F13A1: variants seen among roughly 807,000 people sequenced by gnomAD.
F13A1 encodes the protein FSF, A subunit.
F13A1 carries 47 observed loss-of-function variants against 80.1 expected under a neutral mutation model. The observed-to-expected ratio is 0.59, with a 90% CI of 0.46 to 0.75. F13A1 has a LOEUF of 0.75. Ranked by LOEUF, F13A1 falls within the 30% of genes least tolerant of loss-of-function variation. The pLI is 0.00. For missense variants in F13A1, 817 were observed against 930.4 expected, an observed-to-expected ratio of 0.88 and a Z score of 1.59; for synonymous variants, 349 against 344.9, an observed-to-expected ratio of 1.01 and a Z score of -0.13.
intron 4 of F13A1, among the ~76,000 whole-genome samples, chr6:6,261,078 C>T (rs1757773670): frequency 6.6e-6 from 1 of 152,170 alleles, no homozygotes; most frequent in Non-Finnish European, 1.5e-5. Flanking sequence ...AAGCAGTTCT[C>T]CTGCCTCAGC....
At chr6:6,285,653 C>T (rs1424456568) in intron 3 of F13A1, among the ~76,000 whole-genome samples, 1 of 152,218 alleles carries the variant, frequency 6.6e-6, no homozygotes, top group African/African-American at 2.4e-5. Flanking sequence ...GGTACCTAGT[C>T]AGGCATGAGT....
intron 4 of F13A1, among the ~76,000 whole-genome samples, chr6:6,256,618 GA>G (rs776236563): frequency 1.1e-4 from 17 of 152,068 alleles, no homozygotes; most frequent in Admixed American, 2.6e-4. Flanking sequence ...AGTTAAAAAA[GA>G]AAAGAGTGGG....
intron 8 of F13A1, among the ~76,000 whole-genome samples, chr6:6,201,114 T>C (rs1761386018): frequency 1.3e-5 from 2 of 152,194 alleles, no homozygotes; most frequent in African/African-American, 2.4e-5. Flanking sequence ...CCTAGATTAA[T>C]AGGCTCCAGA....
intron 3 of F13A1, among the ~76,000 whole-genome samples, chr6:6,284,841 G>C (rs1758113452): frequency 6.6e-6 from 1 of 152,144 alleles, no homozygotes; most frequent in African/African-American, 2.4e-5. Flanking sequence ...GCCCTTTTCT[G>C]AGATTTTACC....
intron 3 of F13A1, among the ~76,000 whole-genome samples, chr6:6,303,470 C>G (rs1758465686): frequency 6.6e-6 from 1 of 152,054 alleles, no homozygotes; most frequent in South Asian, 2.1e-4. Flanking sequence ...ATGTTTTGAT[C>G]AAAATATACA....
intron 8 of F13A1, among the ~76,000 whole-genome samples, chr6:6,210,093 T>C (rs191577760): frequency 1.0e-3 from 153 of 150,088 alleles, no homozygotes; most frequent in Middle Eastern, 3.4e-3. Flanking sequence ...TAGCCAGGTG[T>C]GGTGGGTGTG....
At chr6:6,269,533 AAAGCCTT>A (rs750399161) in intron 3 of F13A1, among the ~76,000 whole-genome samples, 26 of 152,188 alleles carry the variant, frequency 1.7e-4, no homozygotes, top group Non-Finnish European at 3.1e-4. Flanking sequence ...TTAGTAACCA[AAAGCCTT>A]AATAATTCCA....
chr6:6,190,516 G>C (rs1212158065), intron 10 of F13A1, among the ~76,000 whole-genome samples: 1 of 150,718 alleles, frequency 6.6e-6, no homozygotes, highest in African/African-American at 2.4e-5. Flanking sequence ...GCTGGGGGGT[G>C]CCTCCCAGTT....
At position 6,200,169 on chromosome 6, in the gene F13A1, C is replaced by T. The variant is rs111901316; in HGVS notation, c.1113-2843G>A. On this transcript the variant is annotated intron_variant, in intron 8 of 14. Coordinates refer to ENST00000264870, the MANE Select transcript of F13A1 (RefSeq NM_000129.4). ...TTGTGATGCTCTGGATTGGATGAAG[C>T]GGAGGAGGAGGTTGCGGGAGTATTG... is the stretch of plus-strand genomic sequence containing the variant. Among the ~76,000 whole-genome samples the T allele has an allele frequency of 2.9e-3, 443 of 151,902 alleles. 1 individual carries two copies. The highest frequency in any genetic ancestry group is 8.5e-3 in the African/African-American group (352 of 41,394).
intron 3 of F13A1, among the ~76,000 whole-genome samples, chr6:6,301,462 T>C (rs1374293967): frequency 6.6e-6 from 1 of 152,214 alleles, no homozygotes; most frequent in African/African-American, 2.4e-5. Flanking sequence ...TTCAAATACA[T>C]GTGGCCCTGT....
At chr6:6,219,246 C>T (rs1360788795) in intron 8 of F13A1, among the ~76,000 whole-genome samples, 7 of 152,026 alleles carry the variant, frequency 4.6e-5, no homozygotes, top group East Asian at 1.9e-4. Flanking sequence ...CAGTCTACAC[C>T]GCACTGACCT....
chr6:6,157,334 C>T (rs1011741062), intron 13 of F13A1, among the ~76,000 whole-genome samples: 7 of 151,948 alleles, frequency 4.6e-5, no homozygotes, highest in Non-Finnish European at 8.8e-5. Context: ...AGGAATCTGG[C>T]GGAAGTTGGA....
In F13A1 at chr6:6,266,602, T is replaced by C. The variant is rs772842511; in HGVS notation, c.527A>G (p.Asn176Ser). Reference sequence around the variant, plus strand: ...GAGAATGTACGTGTCTGTTTCTGGGTTTCGACTGGTTCGAAGTACGCCATA... The same window carrying C: ...GAGAATGTACGTGTCTGTTTCTGGGCTTCGACTGGTTCGAAGTACGCCATA... ...TPYGVLRTSR[N>S]PETDTYILFN... Residue 176 changes from asparagine to serine, a missense_variant, in exon 4 of 15, where the codon AAC becomes AGC. Coordinates refer to ENST00000264870, the MANE Select transcript of F13A1 (RefSeq NM_000129.4). 6.2e-7 allele frequency: 1 copy of C among 1,614,190 alleles called. No homozygotes were observed. Among genetic ancestry groups the C allele is most frequent in the African/African-American group, 1.3e-5 (1 of 75,028 alleles).
intron 8 of F13A1, among the ~76,000 whole-genome samples, chr6:6,220,559 GTGTC>G (rs893720513): frequency 1.4e-5 from 2 of 147,388 alleles, no homozygotes; most frequent in Admixed American, 6.7e-5. Flanking sequence ...GTGTGTCTGT[GTGTC>G]TGTCTGTGTG....
intron 11 of F13A1, among the ~76,000 whole-genome samples, chr6:6,179,135 A>G (rs1760934702): frequency 6.6e-6 from 1 of 152,210 alleles, no homozygotes; most frequent in East Asian, 1.9e-4. Context: ...GAAGGAGAAA[A>G]TAGAGAGGGA....
intron 6 of F13A1, among the ~76,000 whole-genome samples, chr6:6,247,440 C>T (rs1243032658): frequency 6.6e-6 from 1 of 152,126 alleles, no homozygotes; most frequent in Non-Finnish European, 1.5e-5. Context: ...TACTCTTCAG[C>T]CAGATTGGGT....
At chr6:6,187,067 T>C (rs1408796116) in intron 10 of F13A1, among the ~76,000 whole-genome samples, 11 of 112,694 alleles carry the variant, frequency 9.8e-5, no homozygotes, top group African/African-American at 3.7e-4. Flanking sequence ...TTTTTGTACA[T>C]TGATTTTGTA....
At chr6:6,173,225 G>A (rs1760807426) in intron 12 of F13A1, among the ~76,000 whole-genome samples, 1 of 152,076 alleles carries the variant, frequency 6.6e-6, no homozygotes, top group Non-Finnish European at 1.5e-5. Flanking sequence ...AATCCCCAAG[G>A]CAAGCTGTAG....
intron 8 of F13A1, among the ~76,000 whole-genome samples, chr6:6,202,304 C>G (rs964657772): frequency 6.6e-6 from 1 of 152,162 alleles, no homozygotes; most frequent in Non-Finnish European, 1.5e-5. Flanking sequence ...TTATCTAGAT[C>G]CATAAGAGTT....
Sources: allele counts gnomAD v4.1 joint callset (sites outside exome capture counted in the v4.1 genomes callset), GRCh38; gene constraint gnomAD v4.1.1; transcripts MANE v1.5; gene names NCBI Gene and HGNC (gene_info 2026-07-23, HGNC 2026-07-21).